Variants in ACAD11 observed in about 807,000 individuals in gnomAD.
ACAD11 encodes the protein acyl-CoA dehydrogenase family member 11.
In ACAD11, 83 loss-of-function variants were observed where a neutral mutation model predicts 102.2. That is an observed-to-expected ratio of 0.81 (90% CI 0.68 to 0.97). ACAD11 has a LOEUF of 0.97. Among genes scored for constraint, ACAD11 ranks in the 50% least tolerant of loss-of-function variants. The probability of loss-of-function intolerance (pLI) is 0.00; values close to 1 mark genes in which losing one functional copy is unlikely to be tolerated. For missense variants in ACAD11, 901 were observed against 951.7 expected (o/e 0.95, Z 0.70); for synonymous variants, 324 against 319.8 (o/e 1.01, Z -0.14).
Position 132,642,759 on chromosome 3 carries a change from C to A in ACAD11, c.293G>T (p.Gly98Val). The change falls in exon 3 of 20, where the codon GGA becomes GTA. Residue 98 changes from glycine (G) to valine (V), a missense_variant. Transcript: ENST00000264990. ...FKVQKALFSI[G>V]FPVPKPILYC... ...CAGTATAGGCTTGGGAACGGGGAAT[C>A]CAATTGAAAACAAGGCTTTCTGGAC... The A allele has an allele frequency of 6.2e-7, 1 of 1,613,174 alleles. No individual in the cohort carries two copies. Among genetic ancestry groups the A allele is most frequent in the Non-Finnish European group, 8.5e-7 (1 of 1,179,654 alleles).
intron 13 of ACAD11, among the ~76,000 whole-genome samples, chr3:132,583,729 C>G (rs1937668650): frequency 6.6e-6 from 1 of 152,046 alleles, no homozygotes; most frequent in Admixed American, 6.6e-5. Context: ...GAATGTGTCC[C>G]AGAGATTCTG....
At chr3:132,581,095 T>C (rs1350016371) in intron 13 of ACAD11, among the ~76,000 whole-genome samples, 1 of 151,912 alleles carries the variant, frequency 6.6e-6, no homozygotes, top group Non-Finnish European at 1.5e-5. Flanking sequence ...GCTTGTGACA[T>C]TTCAAAACAT....
intron 13 of ACAD11, among the ~76,000 whole-genome samples, chr3:132,593,054 A>G (rs1206138699): frequency 1.3e-5 from 2 of 152,072 alleles, no homozygotes; most frequent in African/African-American, 2.4e-5. Flanking sequence ...AAACCAAGAC[A>G]TAAAAAAACT....
At chr3:132,578,078 G>C (rs1937548266) in intron 15 of ACAD11, among the ~76,000 whole-genome samples, 1 of 152,192 alleles carries the variant, frequency 6.6e-6, no homozygotes, top group African/African-American at 2.4e-5. Context: ...AAAGCCAGGG[G>C]CTGGGCCCGG....
intron 11 of ACAD11, among the ~76,000 whole-genome samples, chr3:132,607,036 G>A (rs1938874067): frequency 1.3e-5 from 2 of 152,296 alleles, no homozygotes; most frequent in African/African-American, 4.8e-5. Flanking sequence ...CTGCAGCAGA[G>A]GGGCCGGACT....
chr3:132,568,156 G>A (rs1409863629), intron 17 of ACAD11, among the ~76,000 whole-genome samples: 1 of 152,122 alleles, frequency 6.6e-6, no homozygotes, highest in African/African-American at 2.4e-5. Context: ...GAACCCAGGA[G>A]GCGGAGACCG....
At chr3:132,652,659 C>A (rs1437346486) in intron 1 of ACAD11, among the ~76,000 whole-genome samples, 3 of 151,648 alleles carry the variant, frequency 2.0e-5, no homozygotes, top group Admixed American at 6.6e-5. Flanking sequence ...ATAAACAGAT[C>A]ATGAGAAAAA....
At chr3:132,656,450 A>G (rs13070107) in intron 1 of ACAD11, among the ~76,000 whole-genome samples, 3 of 151,382 alleles carry the variant, frequency 2.0e-5, no homozygotes, top group Admixed American at 6.6e-5. Flanking sequence ...TCACACCCCT[A>G]TATGAGTCCC....
chr3:132,637,161 T>A (rs1940305914), intron 5 of ACAD11, among the ~76,000 whole-genome samples: 2 of 152,104 alleles, frequency 1.3e-5, no homozygotes, highest in African/African-American at 4.8e-5. Flanking sequence ...ACATCCCCTG[T>A]AGGGTTATTA....
intron 11 of ACAD11, among the ~76,000 whole-genome samples, chr3:132,615,844 T>C (rs572564422): frequency 6.6e-6 from 1 of 152,248 alleles, no homozygotes; most frequent in Admixed American, 6.5e-5. Flanking sequence ...CCCCAAATTT[T>C]CCAGTAATAG....
At position 132,559,077 on chromosome 3, in the gene ACAD11, A is replaced by G; in HGVS notation, c.2237T>C (p.Ile746Thr). The change falls in exon 20 of 20, where the codon ATA becomes ACA. Residue 746 changes from isoleucine to threonine, a missense_variant. By Grantham distance (89) the Ile-to-Thr change is moderately conservative. Coordinates refer to ENST00000264990, the MANE Select transcript of ACAD11 (RefSeq NM_032169.5). The stretch of plus-strand genomic sequence containing the variant: ...ATCTGCTAAACGCAAAACTCGGGTT[A>G]TAGCATACCTGAAAAAGCAAAAGAA... ...QDYPLANMYA[I>T]TRVLRLADGP... 1 of 1,612,338 alleles carries G rather than the reference A, an allele frequency of 6.2e-7. No homozygotes were observed. The highest frequency in any genetic ancestry group is 1.1e-5 in the South Asian group (1 of 90,944).
chr3:132,651,111 A>G (rs946541879), intron 1 of ACAD11, among the ~76,000 whole-genome samples: 14 of 152,094 alleles, frequency 9.2e-5, no homozygotes, highest in Non-Finnish European at 1.8e-4. Context: ...TGTTTTTCCC[A>G]CATCAGTCTT....
chr3:132,579,186 CTAATCACTTCAT>C (rs1023361251), intron 14 of ACAD11: 1 of 839,034 alleles, frequency 1.2e-6, no homozygotes, highest in Non-Finnish European at 1.7e-6. Context: ...ATCTAAACAT[CTAATCACTTCAT>C]TACACAGGTC....
chr3:132,561,174 T>A lies in ACAD11; in HGVS notation c.2045A>T (p.Glu682Val), dbSNP rs1330908663. 4 of 1,613,502 alleles carry A rather than the reference T, an allele frequency of 2.5e-6. No individual in the cohort carries two copies. Among genetic ancestry groups the A allele is most frequent in the Non-Finnish European group, 3.4e-6 (4 of 1,179,662 alleles). Residue 682 changes from glutamate (E) to valine (V), a missense_variant, in exon 18 of 20, where the codon GAG becomes GTG. Coordinates refer to ENST00000264990, the MANE Select transcript of ACAD11 (RefSeq NM_032169.5). ...HWIAESRIAI[E>V]KIRLLTLKAA... The stretch of plus-strand genomic sequence containing the variant: ...TTTCAGAGTCAACAAGCGGATCTTC[T>A]CAATGGCAATGCGGCTTTCAGCAAT...
chr3:132,631,585 G>C, intron 5 of ACAD11, 106 bp from the exon 6 acceptor site: 1 of 908,394 alleles, frequency 1.1e-6, no homozygotes, highest in Non-Finnish European at 1.5e-6. Flanking sequence ...TCCATCAAAA[G>C]TCAATTTCAG....
intron 17 of ACAD11, among the ~76,000 whole-genome samples, chr3:132,568,384 T>C (rs1357015876): frequency 1.3e-5 from 2 of 151,924 alleles, no homozygotes; most frequent in Non-Finnish European, 2.9e-5. Flanking sequence ...GTGTAGATGA[T>C]GAAAGAAACC....
At chr3:132,653,202 C>T (rs951420509) in intron 1 of ACAD11, among the ~76,000 whole-genome samples, 1 of 152,130 alleles carries the variant, frequency 6.6e-6, no homozygotes, top group African/African-American at 2.4e-5. Context: ...ATTTATTCTC[C>T]CATTCTCTTG....
At chr3:132,591,525 C>T (rs189718639) in intron 13 of ACAD11, among the ~76,000 whole-genome samples, 25 of 152,176 alleles carry the variant, frequency 1.6e-4, no homozygotes, top group African/African-American at 4.8e-4. Flanking sequence ...CCCTCTTTTT[C>T]GAATATTCAG....
At chr3:132,618,159 T>G (rs560297028) in intron 11 of ACAD11, 2 of 153,128 alleles carry the variant, frequency 1.3e-5, no homozygotes, top group East Asian at 3.8e-4. Flanking sequence ...AATTAGATCC[T>G]TGAAAGAAGG....
Sources: gnomAD v4.1 joint callset for allele counts (sites outside exome capture counted in the v4.1 genomes callset) on GRCh38, gnomAD v4.1.1 for gene constraint, MANE v1.5 for transcripts, NCBI Gene and HGNC (gene_info 2026-07-23, HGNC 2026-07-21) for gene names.